The following POU2F1 variants were observed in gnomAD, a reference collection of about 807,000 sequenced individuals.
POU2F1 encodes the protein POU domain, class 2, transcription factor 1.
Under a neutral mutation model 84.9 loss-of-function variants are expected in POU2F1, and 16 were observed. The observed-to-expected ratio is 0.19, with a 90% CI of 0.13 to 0.29. The LOEUF (loss-of-function observed/expected upper bound fraction) is 0.29. POU2F1 is among the 10% of genes least tolerant of loss of function. The probability of loss-of-function intolerance (pLI) is 1.00; values close to 1 mark genes in which losing one functional copy is unlikely to be tolerated. For missense variants in POU2F1, 738 were observed against 942.6 expected, an observed-to-expected ratio of 0.78 and a Z score of 2.84; for synonymous variants, 368 against 368.3, an observed-to-expected ratio of 1.00 and a Z score of 0.01.
intron 2 of POU2F1, among the ~76,000 whole-genome samples, chr1:167,345,186 A>G (rs765741660): frequency 6.6e-6 from 1 of 152,158 alleles, no homozygotes; most frequent in Non-Finnish European, 1.5e-5. Context: ...AATAAATAAG[A>G]AAGAACAGAT....
chr1:167,351,500 G>C (rs1658561446), intron 2 of POU2F1, among the ~76,000 whole-genome samples: 1 of 89,766 alleles, frequency 1.1e-5, no homozygotes, highest in Non-Finnish European at 2.0e-5. Context: ...GCCTGGTCAG[G>C]AAGAATGAAG....
Position 167,389,595 on chromosome 1 carries a change from C to T in POU2F1, c.821C>T (p.Thr274Ile), listed in dbSNP as rs559103434. 1 of 1,614,128 alleles carries T rather than the reference C, an allele frequency of 6.2e-7. No individual in the cohort carries two copies. The highest frequency in any genetic ancestry group is 1.3e-5 in the African/African-American group (1 of 75,026). Residue 274 changes from threonine to isoleucine, a missense_variant, in exon 9 of 16, where the codon ACC (threonine) becomes ATC (isoleucine). Physicochemically the swap from Thr to Ile is moderately conservative, Grantham distance 89. Transcript: ENST00000367866. ...TTATTCTTTCTCCAACAGCCAGCAA[C>T]CCCAACACGCACAATAGCAGCAACC... is the stretch of plus-strand genomic sequence containing the variant. ...PSITLTSQPATPTRTIAATPI... is the reference protein window; with the variant it reads ...PSITLTSQPAIPTRTIAATPI...
intron 3 of POU2F1, among the ~76,000 whole-genome samples, chr1:167,368,065 C>T (rs1181212529): frequency 5.9e-5 from 9 of 152,068 alleles, no homozygotes; most frequent in South Asian, 2.1e-4. Flanking sequence ...AACATTGATA[C>T]GATATCATTT....
At position 167,425,154 on chromosome 1, in the gene POU2F1, C is replaced by T. The variant is rs1219504600; in HGVS notation, c.*9344C>T. The T allele has an allele frequency of 6.6e-6, 1 of 152,096 alleles. No individual in the cohort carries two copies. The highest frequency in any genetic ancestry group is 2.4e-5 in the African/African-American group (1 of 41,414). 9.4% of individuals were successfully genotyped at this position (152,096 alleles called of 1,614,324 possible). A position where few individuals can be genotyped will look rare whatever the true frequency, so the allele number is the denominator to read the frequency against. On this transcript the variant is annotated 3_prime_UTR_variant, in exon 16 of 16. Coordinates refer to ENST00000367866, the MANE Select transcript of POU2F1 (RefSeq NM_002697.4). ...AATGTAGTTCCCAACCTTCAATTCC[C>T]ACCCCTAATGCTGACAAAAAGCTTA...
In POU2F1 at chr1:167,375,187, G is replaced by A. The variant is rs188720435; in HGVS notation, c.592-842G>A. Among the ~76,000 whole-genome samples the A allele has an allele frequency of 2.5e-3, 384 of 152,214 alleles. 1 individual carries two copies. Among genetic ancestry groups the A allele is most frequent in the Non-Finnish European group, 2.7e-3 (187 of 68,016 alleles). The stretch of plus-strand genomic sequence containing the variant: ...AATTGTTAGACAGCTGTCTTTATCC[G>A]TCTCAGAAAAGACTCAGAAATGGAC... On this transcript the variant is annotated intron_variant, in intron 6 of 15. Transcript: ENST00000367866.
At chr1:167,353,488 C>G (rs1658721667) in intron 2 of POU2F1, among the ~76,000 whole-genome samples, 2 of 152,070 alleles carry the variant, frequency 1.3e-5, no homozygotes, top group Admixed American at 6.5e-5. Context: ...CAGCATATCC[C>G]TTCCACAGAC....
chr1:167,277,844 C>T (rs1315393086), intron 1 of POU2F1, among the ~76,000 whole-genome samples: 1 of 152,188 alleles, frequency 6.6e-6, no homozygotes, highest in Non-Finnish European at 1.5e-5. Context: ...TCCCTCACTT[C>T]CCAAATTCTT....
At chr1:167,235,545 C>T (rs1336752894) in intron 1 of POU2F1, among the ~76,000 whole-genome samples, 6 of 152,142 alleles carry the variant, frequency 3.9e-5, no homozygotes, top group Admixed American at 2.0e-4. Flanking sequence ...AGGACCAGTA[C>T]GAGACTGGTT....
At chr1:167,341,663 G>T (rs1657864068) in intron 2 of POU2F1, among the ~76,000 whole-genome samples, 1 of 152,144 alleles carries the variant, frequency 6.6e-6, no homozygotes. Flanking sequence ...CTAGGGGTGG[G>T]TGTCTGCAAC....
At chr1:167,225,621 T>A (rs74121532) in intron 1 of POU2F1, among the ~76,000 whole-genome samples, 284 of 152,336 alleles carry the variant, frequency 1.9e-3, no homozygotes, top group African/African-American at 4.7e-3. Flanking sequence ...GGTTCTGAAA[T>A]AACAGAAGTG....
chr1:167,221,211 C>G (rs866522991), intron 1 of POU2F1, among the ~76,000 whole-genome samples: 1 of 151,414 alleles, frequency 6.6e-6, no homozygotes, highest in South Asian at 2.1e-4. Context: ...TGCACCCGGC[C>G]CACCCCGCCG....
Position 167,354,576 on chromosome 1 carries a change from G to T in POU2F1, c.128-10891G>T, listed in dbSNP as rs978036734. ...TGAAGTGCTGGGATTACAGGTGTGA[G>T]TACCCAGAGTATTTTCTTAATAGTG... On this transcript the variant is annotated intron_variant, in intron 2 of 15. Transcript: ENST00000367866. 7.9e-5 allele frequency among the ~76,000 whole-genome samples: 12 copies of T among 152,278 alleles called. 1 individual carries two copies. The East Asian group carries it at 2.3e-3, about 29-fold the overall frequency.
chr1:167,229,930 T>A (rs1335057112), intron 1 of POU2F1, among the ~76,000 whole-genome samples: 1 of 152,234 alleles, frequency 6.6e-6, no homozygotes, highest in Non-Finnish European at 1.5e-5. Flanking sequence ...TACCCTTGCC[T>A]ATGCATTATT....
At chr1:167,263,534 C>T (rs578029185) in intron 1 of POU2F1, among the ~76,000 whole-genome samples, 2 of 151,774 alleles carry the variant, frequency 1.3e-5, no homozygotes, top group African/African-American at 2.4e-5. Flanking sequence ...AAAAAAGGCC[C>T]TATTCACCTG....
intron 2 of POU2F1, among the ~76,000 whole-genome samples, chr1:167,349,886 T>G (rs1005325733): frequency 6.6e-6 from 1 of 152,188 alleles, no homozygotes; most frequent in African/African-American, 2.4e-5. Context: ...GGCGTAATAA[T>G]TTTATCTAAA....
At chr1:167,255,512 G>A (rs1169858514) in intron 1 of POU2F1, among the ~76,000 whole-genome samples, 1 of 152,136 alleles carries the variant, frequency 6.6e-6, no homozygotes, top group Non-Finnish European at 1.5e-5. Context: ...CTGAAAACAA[G>A]CATACATTAA....
At chr1:167,252,355 A>G (rs1650794475) in intron 1 of POU2F1, among the ~76,000 whole-genome samples, 1 of 152,186 alleles carries the variant, frequency 6.6e-6, no homozygotes, top group Non-Finnish European at 1.5e-5. Flanking sequence ...ATATTTGACC[A>G]ACAGTCCAGG....
At chr1:167,260,371 T>C (rs933455639) in intron 1 of POU2F1, among the ~76,000 whole-genome samples, 1 of 152,230 alleles carries the variant, frequency 6.6e-6, no homozygotes, top group Admixed American at 6.5e-5. Flanking sequence ...AAGTTTTTAA[T>C]TTTAATACTA....
chr1:167,402,989 A>T (rs1024596726), intron 13 of POU2F1, among the ~76,000 whole-genome samples: 1 of 152,230 alleles, frequency 6.6e-6, no homozygotes, highest in African/African-American at 2.4e-5. Flanking sequence ...AGTTTTCTTA[A>T]AATATGGGGA....
Sources: gnomAD v4.1 joint callset for allele counts (sites outside exome capture counted in the v4.1 genomes callset) on GRCh38, gnomAD v4.1.1 for gene constraint, MANE v1.5 for transcripts, NCBI Gene and HGNC (gene_info 2026-07-23, HGNC 2026-07-21) for gene names.